The following HDGFL3 variants were observed in gnomAD, a reference collection of about 807,000 sequenced individuals.
The protein encoded by HDGFL3 is hepatoma-derived growth factor-related protein 3.
Under a neutral mutation model 27.6 loss-of-function variants are expected in HDGFL3, and 6 were observed. The ratio of observed to expected loss-of-function variants is 0.22; its 90% CI spans 0.12 to 0.43. The LOEUF (loss-of-function observed/expected upper bound fraction) is 0.43. Ranked by LOEUF, HDGFL3 falls within the 20% of genes least tolerant of loss-of-function variation. The probability of loss-of-function intolerance (pLI) is 1.00; values close to 1 mark genes in which losing one functional copy is unlikely to be tolerated. For missense variants in HDGFL3, 207 were observed against 250.1 expected (o/e 0.83, Z 1.16); for synonymous variants, 88 against 88.9 (o/e 0.99, Z 0.05).
chr15:83,188,242 A>T (rs1013199155), intron 1 of HDGFL3, among the ~76,000 whole-genome samples: 1 of 152,080 alleles, frequency 6.6e-6, no homozygotes, highest in Non-Finnish European at 1.5e-5. Flanking sequence ...GCATTTCCCT[A>T]CAGGGTTATT....
intron 1 of HDGFL3, among the ~76,000 whole-genome samples, chr15:83,173,721 G>C (rs1017720097): frequency 2.6e-5 from 4 of 152,016 alleles, no homozygotes; most frequent in African/African-American, 9.7e-5. Flanking sequence ...TCTACCTCTA[G>C]CCTCAAATTT....
chr15:83,198,799 G>C (rs1186469878), intron 1 of HDGFL3, among the ~76,000 whole-genome samples: 1 of 152,168 alleles, frequency 6.6e-6, no homozygotes, highest in Non-Finnish European at 1.5e-5. Context: ...CTAGTCTCCA[G>C]AGAGGGAGAA....
Position 83,136,558 on chromosome 15 carries a change from CCTTT to C in HDGFL3, c.*2708_*2711del, listed in dbSNP as rs754296955. 6.2e-7 allele frequency: 1 copy of C among 1,613,720 alleles called. No homozygotes were observed. Among genetic ancestry groups the C allele is most frequent in the South Asian group, 1.1e-5 (1 of 91,014 alleles). On this transcript the variant is annotated 3_prime_UTR_variant, in exon 6 of 6. Coordinates refer to ENST00000299633, the MANE Select transcript of HDGFL3 (RefSeq NM_016073.4). ...ACAGAGTCCCTGAAGAAGCAAAAATCCTTTTTTTAGCATTAAACATAGCATATGG... is the reference window on the plus strand; with the variant it reads ...ACAGAGTCCCTGAAGAAGCAAAAATCTTTTAGCATTAAACATAGCATATGG...
chr15:83,119,272 T>C (rs905238136), intron 3 of HDGFL3, among the ~76,000 whole-genome samples: 26 of 152,208 alleles, frequency 1.7e-4, no homozygotes, highest in African/African-American at 4.8e-4. Context: ...CTCCATGAGT[T>C]TGCCATACAG....
chr15:83,167,252 A>G (rs2037182888), intron 1 of HDGFL3, among the ~76,000 whole-genome samples: 1 of 152,156 alleles, frequency 6.6e-6, no homozygotes, highest in South Asian at 2.1e-4. Flanking sequence ...TACGTCAACA[A>G]CAGTAAAAAA....
rs1326338786 is a variant in HDGFL3 at position 83,207,817 on chromosome 15, C to T, written c.-403G>A. On this transcript the variant is annotated 5_prime_UTR_variant, in exon 1 of 6. Transcript: ENST00000299633. The surrounding 1 kb of genome is among the most constrained non-coding windows in gnomAD (Gnocchi z 4.8). ...CCGGGCCTCGCGTCTGCTCCGAATT[C>T]CTTCTCGGGCAGCGACCGCAAACAC... 6.6e-6 allele frequency: 1 copy of T among 150,928 alleles called. No individual in the cohort carries two copies. Among genetic ancestry groups the T allele is most frequent in the Non-Finnish European group, 1.5e-5 (1 of 67,522 alleles). The allele number at this position is 150,928 out of a possible 1,614,324, so 9.3% of individuals were successfully genotyped here. A position where few individuals can be genotyped will look rare whatever the true frequency, so the allele number is the denominator to read the frequency against.
At chr15:83,126,889 T>A (rs775994290), downstream of HDGFL3, 11 of 1,536,302 alleles carry the variant, frequency 7.2e-6, no homozygotes, top group Admixed American at 7.2e-5. Context: ...AAAATTAATT[T>A]TCTTTTTAAA....
At position 83,157,446 on chromosome 15, in the gene HDGFL3, C is replaced by A. The variant is rs1396436479; in HGVS notation, c.428G>T (p.Gly143Val). 5 of 1,613,352 alleles carry A rather than the reference C, an allele frequency of 3.1e-6. No individual in the cohort carries two copies. Among genetic ancestry groups the A allele is most frequent in the Non-Finnish European group, 3.4e-6 (4 of 1,179,608 alleles). The stretch of plus-strand genomic sequence containing the variant: ...AGTATATGACTTTTTCCGTTTTGAG[C>A]CTGCTTTTTCATTCTTTCTTTTGCC... Reference protein sequence around the residue: ...GKGKRKNEKAGSKRKKSYTSK... With the variant: ...GKGKRKNEKAVSKRKKSYTSK... The change falls in exon 4 of 6, where the codon GGC becomes GTC. Residue 143 changes from glycine (G) to valine (V), a missense_variant. Physicochemically the swap from Gly to Val is moderately radical, Grantham distance 109. Coordinates refer to ENST00000299633, the MANE Select transcript of HDGFL3 (RefSeq NM_016073.4).
chr15:83,118,814 A>G (rs929747565), intron 3 of HDGFL3, among the ~76,000 whole-genome samples: 1 of 152,214 alleles, frequency 6.6e-6, no homozygotes, highest in South Asian at 2.1e-4. Context: ...AATTGATGAC[A>G]GTGATTTTCT....
chr15:83,195,926 A>G (rs2037565010), intron 1 of HDGFL3, among the ~76,000 whole-genome samples: 1 of 152,078 alleles, frequency 6.6e-6, no homozygotes, highest in Non-Finnish European at 1.5e-5. Flanking sequence ...CAAAACTAAT[A>G]TCCAACGAAG....
At chr15:83,116,049 G>A (rs948732467) in intron 3 of HDGFL3, 25 of 851,046 alleles carry the variant, frequency 2.9e-5, no homozygotes, top group East Asian at 1.5e-4. Context: ...GGTACGCTAC[G>A]CAGGCTTTCA....
At chr15:83,122,736 CTCTT>C in intron 3 of HDGFL3, 3 of 1,609,396 alleles carry the variant, frequency 1.9e-6, no homozygotes, top group Non-Finnish European at 2.5e-6. Flanking sequence ...TAACTTCTTT[CTCTT>C]TCTCTCTTTT....
At chr15:83,191,654 T>C (rs1156453429) in intron 1 of HDGFL3, among the ~76,000 whole-genome samples, 3 of 152,206 alleles carry the variant, frequency 2.0e-5, no homozygotes, top group Non-Finnish European at 4.4e-5. Context: ...ACTATGTCTG[T>C]TATTAAGGTG....
intron 4 of HDGFL3, among the ~76,000 whole-genome samples, chr15:83,154,436 T>G (rs1449271515): frequency 6.6e-6 from 1 of 152,204 alleles, no homozygotes; most frequent in South Asian, 2.1e-4. Flanking sequence ...AGGCAAGCGG[T>G]TCTCTAAATG....
At chr15:83,206,458 C>T (rs953576838) in intron 1 of HDGFL3, among the ~76,000 whole-genome samples, 3 of 152,226 alleles carry the variant, frequency 2.0e-5, no homozygotes, top group Admixed American at 6.5e-5. Context: ...GCACACATGG[C>T]AGTGTTGTGT....
Position 83,131,316 on chromosome 15 carries a change from C to A in HDGFL3, c.*7954G>T, listed in dbSNP as rs2036229655. The A allele has an allele frequency of 6.6e-6, 1 of 151,894 alleles. No individual in the cohort carries two copies. Among genetic ancestry groups the A allele is most frequent in the South Asian group, 2.1e-4 (1 of 4,818 alleles). 9.4% of individuals were successfully genotyped at this position (151,894 alleles called of 1,614,324 possible). On this transcript the variant is annotated 3_prime_UTR_variant, in exon 6 of 6. Transcript: ENST00000299633. ...AAACCACCTTTGAAAAGTTCTAGAT[C>A]AGTATAGGCCAATGGAAGAAATATT...
chr15:83,176,328 G>T (rs2037310008), intron 1 of HDGFL3, among the ~76,000 whole-genome samples: 1 of 152,118 alleles, frequency 6.6e-6, no homozygotes, highest in African/African-American at 2.4e-5. Flanking sequence ...ATAGATGTCG[G>T]TAAGACTTAA....
At chr15:83,163,211 T>C (rs1242371653) in intron 2 of HDGFL3, among the ~76,000 whole-genome samples, 1 of 152,202 alleles carries the variant, frequency 6.6e-6, no homozygotes, top group Non-Finnish European at 1.5e-5. Flanking sequence ...TCCTTTAAAG[T>C]CGCAGTTGCC....
chr15:83,154,936 A>G (rs2037010671), intron 4 of HDGFL3, among the ~76,000 whole-genome samples: 1 of 152,048 alleles, frequency 6.6e-6, no homozygotes, highest in Admixed American at 6.6e-5. Flanking sequence ...TGGCATGATC[A>G]TGGCTCAGTA....
Sources: gnomAD v4.1 joint callset for allele counts (sites outside exome capture counted in the v4.1 genomes callset) on GRCh38, gnomAD v4.1.1 for gene constraint, Gnocchi (gnomAD v3.1) non-coding constraint, MANE v1.5 for transcripts, NCBI Gene and HGNC (gene_info 2026-07-23, HGNC 2026-07-21) for gene names.